Variants in PRLR observed in about 807,000 individuals in gnomAD.
PRLR encodes the protein hPRL receptor.
PRLR carries 13 observed loss-of-function variants against 40.2 expected under a neutral mutation model. The ratio of observed to expected loss-of-function variants is 0.32; its 90% CI spans 0.21 to 0.51. PRLR has a LOEUF of 0.51. PRLR is among the 20% of genes least tolerant of loss of function. The pLI is 0.97. For missense variants in PRLR, 656 were observed against 747.3 expected, an observed-to-expected ratio of 0.88 and a Z score of 1.42; for synonymous variants, 269 against 278.7, an observed-to-expected ratio of 0.97 and a Z score of 0.35.
chr5:35,219,632 A>T lies in PRLR; in HGVS notation c.-106+10636T>A, dbSNP rs80056776. Reference sequence around the variant, plus strand: ...AAAACACTCAGAAAAGAGATAAACTAGTAATGCGAATGTGACCTTTCCAGC... The same window carrying T: ...AAAACACTCAGAAAAGAGATAAACTTGTAATGCGAATGTGACCTTTCCAGC... On this transcript the variant is annotated intron_variant, in intron 1 of 9. Transcript: ENST00000618457. Among the ~76,000 whole-genome samples, 26 of 152,316 alleles carry T rather than the reference A, an allele frequency of 1.7e-4. No homozygotes were observed. In the East Asian group the frequency reaches 5.0e-3, roughly 29 times the overall value.
In PRLR at chr5:35,090,453, A is replaced by G. The variant is rs74809483; in HGVS notation, c.-43-790T>C. On this transcript the variant is annotated intron_variant, in intron 2 of 9. Transcript: ENST00000618457. ...GTAAGAAAAAAGGATTTTTAAAGACATTTGGAAAAAAAGGCTCATTAGTCT... is the reference window on the plus strand; with the variant it reads ...GTAAGAAAAAAGGATTTTTAAAGACGTTTGGAAAAAAAGGCTCATTAGTCT... Among the ~76,000 whole-genome samples the G allele has an allele frequency of 9.0e-3, 1,366 of 152,316 alleles. 16 individuals carry two copies. Among genetic ancestry groups the G allele is most frequent in the African/African-American group, 0.031 (1,305 of 41,566 alleles).
intron 2 of PRLR, among the ~76,000 whole-genome samples, chr5:35,100,023 A>G (rs969184775): frequency 1.3e-5 from 2 of 151,822 alleles, no homozygotes; most frequent in African/African-American, 4.8e-5. Flanking sequence ...AAAACTACAA[A>G]AAAAATTAGC....
intron 2 of PRLR, among the ~76,000 whole-genome samples, chr5:35,100,717 C>T (rs537716227): frequency 4.0e-4 from 61 of 152,256 alleles, no homozygotes; most frequent in African/African-American, 1.4e-3. Flanking sequence ...CATTGTCAAG[C>T]GATGCATGAC....
chr5:35,186,703 C>A (rs1051898133), intron 1 of PRLR, among the ~76,000 whole-genome samples: 1 of 152,142 alleles, frequency 6.6e-6, no homozygotes, highest in African/African-American at 2.4e-5. Context: ...GCAGCTACCA[C>A]CCCATCTGAG....
chr5:35,163,453 A>G (rs1405044975), intron 1 of PRLR, among the ~76,000 whole-genome samples: 1 of 152,152 alleles, frequency 6.6e-6, no homozygotes, highest in Non-Finnish European at 1.5e-5. Flanking sequence ...TTTCATGAGG[A>G]GCAGCTAGGA....
intron 1 of PRLR, among the ~76,000 whole-genome samples, chr5:35,153,387 G>C (rs1226921741): frequency 1.3e-5 from 2 of 152,112 alleles, no homozygotes; most frequent in East Asian, 3.9e-4. Flanking sequence ...TCTCTCAAAA[G>C]ATATGTAATG....
chr5:35,103,478 T>C (rs1027115367), intron 2 of PRLR, among the ~76,000 whole-genome samples: 14 of 152,206 alleles, frequency 9.2e-5, no homozygotes, highest in Non-Finnish European at 1.9e-4. Context: ...AAATCTTCAT[T>C]GACTCACTGC....
intron 1 of PRLR, among the ~76,000 whole-genome samples, chr5:35,178,605 A>T (rs1462544744): frequency 6.6e-6 from 1 of 152,214 alleles, no homozygotes; most frequent in Non-Finnish European, 1.5e-5. Flanking sequence ...TTGCTCTATG[A>T]TAAATTTAGT....
chr5:35,202,398 T>C (rs984001716), intron 1 of PRLR, among the ~76,000 whole-genome samples: 2 of 152,226 alleles, frequency 1.3e-5, no homozygotes, highest in African/African-American at 4.8e-5. Flanking sequence ...CTGTCACTTC[T>C]TCTCCTTGTG....
At chr5:35,163,109 C>T (rs1242689914) in intron 1 of PRLR, among the ~76,000 whole-genome samples, 2 of 152,242 alleles carry the variant, frequency 1.3e-5, no homozygotes, top group African/African-American at 2.4e-5. Flanking sequence ...TCTGGCCCCT[C>T]CTCTTCCTGG....
chr5:35,149,661 AC>A (rs1244525986), intron 1 of PRLR, among the ~76,000 whole-genome samples: 2 of 152,304 alleles, frequency 1.3e-5, no homozygotes, highest in East Asian at 3.9e-4. Context: ...TAAAGATACT[AC>A]AATATTTGTA....
chr5:35,080,716 A>G (rs1031284719), intron 5 of PRLR, among the ~76,000 whole-genome samples: 8 of 152,174 alleles, frequency 5.3e-5, no homozygotes, highest in Admixed American at 4.6e-4. Flanking sequence ...GATTATAAAT[A>G]ATGCTGCCAT....
intron 1 of PRLR, among the ~76,000 whole-genome samples, chr5:35,139,359 C>T (rs914524534): frequency 6.6e-6 from 1 of 152,130 alleles, no homozygotes; most frequent in African/African-American, 2.4e-5. Context: ...TGGTCTCAAA[C>T]TCCTGACCTC....
At position 35,064,510 on chromosome 5, in the gene PRLR, G is replaced by A. The variant is rs1375497487; in HGVS notation, c.*579C>T. 3 of 152,570 alleles carry A rather than the reference G, an allele frequency of 2.0e-5. No homozygotes were observed. The highest frequency in any genetic ancestry group is 4.4e-5 in the Non-Finnish European group (3 of 68,036). 9.5% of individuals were successfully genotyped at this position (152,570 alleles called of 1,614,324 possible). On this transcript the variant is annotated 3_prime_UTR_variant, in exon 10 of 10. Transcript: ENST00000618457. ...ATCTAAACTATTTTAAGAAAAAATT[G>A]GAGGCATTATTTCTTACTTGCATAT...
chr5:35,074,699 T>C (rs1769962254), intron 5 of PRLR, among the ~76,000 whole-genome samples: 1 of 152,008 alleles, frequency 6.6e-6, no homozygotes, highest in Admixed American at 6.6e-5. Context: ...AATAAACTAA[T>C]GCATTCAATT....
At chr5:35,186,956 G>A (rs1330961410) in intron 1 of PRLR, among the ~76,000 whole-genome samples, 1 of 152,154 alleles carries the variant, frequency 6.6e-6, no homozygotes, top group Admixed American at 6.5e-5. Context: ...GGTGGCATGT[G>A]GCTAGGATTA....
chr5:35,137,180 C>T (rs1255198318), intron 1 of PRLR, among the ~76,000 whole-genome samples: 1 of 152,168 alleles, frequency 6.6e-6, no homozygotes, highest in Admixed American at 6.5e-5. Flanking sequence ...ACATTACGAT[C>T]CTCATTCTAC....
chr5:35,116,369 G>T (rs6866370), intron 2 of PRLR, among the ~76,000 whole-genome samples: 1,781 of 152,252 alleles, frequency 0.012, 30 homozygotes, highest in African/African-American at 0.041. Context: ...TGACCTGTTT[G>T]CTGTAAAAAG....
chr5:35,120,279 C>T (rs1773241346), intron 1 of PRLR, among the ~76,000 whole-genome samples: 1 of 152,168 alleles, frequency 6.6e-6, no homozygotes, highest in African/African-American at 2.4e-5. Context: ...AAATTCTTCC[C>T]TCTCCACTCT....
Sources: allele counts gnomAD v4.1 joint callset (sites outside exome capture counted in the v4.1 genomes callset), GRCh38; gene constraint gnomAD v4.1.1; transcripts MANE v1.5; gene names NCBI Gene and HGNC (gene_info 2026-07-23, HGNC 2026-07-21).